Variants in LILRA2 observed in about 807,000 individuals in gnomAD.
LILRA2 encodes leukocyte immunoglobulin-like receptor subfamily A member 2.
Under a neutral mutation model 47.9 loss-of-function variants are expected in LILRA2, and 45 were observed. That is an observed-to-expected ratio of 0.94 (90% CI 0.74 to 1.20). The LOEUF (loss-of-function observed/expected upper bound fraction) is 1.20. Among genes scored for constraint, LILRA2 ranks in the 50% most tolerant of loss-of-function variants. LILRA2 has a pLI of 0.00. For missense variants in LILRA2, 651 were observed against 598.2 expected (o/e 1.09, Z -0.92); for synonymous variants, 279 against 249.2 (o/e 1.12, Z -1.13).
At chr19:54,577,184 TGA>T (rs1412256646) in intron 6 of LILRA2, among the ~76,000 whole-genome samples, 4 of 152,334 alleles carry the variant, frequency 2.6e-5, no homozygotes, top group African/African-American at 7.2e-5. Flanking sequence ...CCCCGCTGGT[TGA>T]GAGTCTCCCC....
Position 54,574,544 on chromosome 19 carries a change from C to A in LILRA2, c.314C>A (p.Ser105Ter), listed in dbSNP as rs1343479978. 1.2e-6 allele frequency: 2 copies of A among 1,604,172 alleles called. No homozygotes were observed. Among genetic ancestry groups the A allele is most frequent in the South Asian group, 2.2e-5 (2 of 90,846 alleles). The change falls in exon 3 of 8, where the codon TCA becomes TAA. Residue 105 changes from serine (S) to a stop codon, truncating the protein, a stop_gained. Transcript: ENST00000391738. LOFTEE classifies it high-confidence loss of function. Reference protein sequence around the residue: ...YHCQYYSHNHSSEYSDPLELV... With the variant: ...YHCQYYSHNH ...TGTCAGTACTACAGCCACAATCACT[C>A]ATCAGAGTACAGTGACCCCCTGGAG...
chr19:54,579,261 A>C (rs752917305), intron 6 of LILRA2, among the ~76,000 whole-genome samples: 2 of 152,144 alleles, frequency 1.3e-5, no homozygotes, highest in Non-Finnish European at 2.9e-5. Context: ...TTAAGTCTTT[A>C]ATCCATCTTG....
intron 5 of LILRA2, 48 bp downstream of exon 5, chr19:54,575,600 C>G: frequency 6.2e-7 from 1 of 1,600,858 alleles, no homozygotes; most frequent in African/African-American, 1.3e-5. Flanking sequence ...CTGCACAGGC[C>G]CTGCCAGGGG....
Position 54,575,858 on chromosome 19 carries a change from C to T in LILRA2, c.1004C>T (p.Ala335Val), listed in dbSNP as rs537955715. The T allele has an allele frequency of 1.9e-6, 3 of 1,612,816 alleles. No individual in the cohort carries two copies. The highest frequency in any genetic ancestry group is 4.5e-5 in the East Asian group (2 of 44,796). The stretch of plus-strand genomic sequence containing the variant: ...TCGGTGCAGCCGGTCCCCACAGTAG[C>T]CCCAGGAAAGAACGTGACCCTGCTG... ...SLSVQPVPTV[A>V]PGKNVTLLCQ... Residue 335 changes from alanine to valine, a missense_variant, in exon 6 of 8, where the codon GCC becomes GTC. Coordinates refer to ENST00000391738, the MANE Select transcript of LILRA2 (RefSeq NM_001130917.3).
upstream of LILRA2, chr19:54,573,386 A>C (rs1440166261): frequency 1.2e-6 from 1 of 848,874 alleles, no homozygotes. Flanking sequence ...TGCAGCATGG[A>C]CCTGGGTTTT....
chr19:54,585,576 C>A (rs929853404), intron 6 of LILRA2, among the ~76,000 whole-genome samples: 1 of 152,188 alleles, frequency 6.6e-6, no homozygotes, highest in Non-Finnish European at 1.5e-5. Flanking sequence ...AGCAAGGCTC[C>A]GTGGGTGTGA....
chr19:54,578,979 A>G (rs2062561358), intron 6 of LILRA2, among the ~76,000 whole-genome samples: 1 of 151,264 alleles, frequency 6.6e-6, no homozygotes, highest in South Asian at 2.1e-4. Flanking sequence ...TTTTTTGTAA[A>G]TGTGTTTAAG....
intron 6 of LILRA2, among the ~76,000 whole-genome samples, chr19:54,585,888 G>A (rs973760163): frequency 2.6e-5 from 4 of 152,128 alleles, no homozygotes; most frequent in African/African-American, 7.2e-5. Flanking sequence ...ATTCCTATTC[G>A]ACCATCTTGG....
intron 6 of LILRA2, among the ~76,000 whole-genome samples, chr19:54,583,624 G>A (rs999492935): frequency 6.6e-6 from 1 of 151,412 alleles, no homozygotes; most frequent in Non-Finnish European, 1.5e-5. Flanking sequence ...CATTTGCTTG[G>A]TAGATCTTCC....
chr19:54,585,528 G>T (rs1188082618), intron 6 of LILRA2, among the ~76,000 whole-genome samples: 2 of 152,210 alleles, frequency 1.3e-5, no homozygotes, highest in African/African-American at 4.8e-5. Flanking sequence ...TCCAGCTGCA[G>T]CATCGCAGGT....
intron 2 of LILRA2, 24 bp downstream of exon 2, chr19:54,574,135 A>C (rs1568501575): frequency 6.2e-7 from 1 of 1,614,158 alleles, no homozygotes; most frequent in Non-Finnish European, 8.5e-7. Context: ...CAGCTGTCCC[A>C]GGTCCCTCCT....
At chr19:54,573,411 C>T (rs1438234762), upstream of LILRA2, 13 of 967,950 alleles carry the variant, frequency 1.3e-5, no homozygotes, top group Admixed American at 1.7e-5. Context: ...GAAGCATCTC[C>T]AGGGCTGGAG....
rs148166692 is a variant in LILRA2 at position 54,582,570 on chromosome 19, T to C, written c.1256-4440T>C. On this transcript the variant is annotated intron_variant, in intron 6 of 7. Coordinates refer to ENST00000391738, the MANE Select transcript of LILRA2 (RefSeq NM_001130917.3). ...TTTCTAGTTTATTTGTGTAGAGGTG[T>C]TTACAGTATTCTCTGATGGTAGTTT... Among the ~76,000 whole-genome samples, 281 of 152,330 alleles carry C rather than the reference T, an allele frequency of 1.8e-3. 4 individuals are homozygous for C. The South Asian group carries it at 0.035, about 19-fold the overall frequency.
chr19:54,574,090 C>T lies in LILRA2; in HGVS notation c.49C>T (p.Pro17Ser). The change falls in exon 2 of 8, where the codon CCC becomes TCC. Residue 17 changes from proline to serine, a missense_variant. Physicochemically the swap from Pro to Ser is moderately conservative, Grantham distance 74 (BLOSUM62 -1). Coordinates refer to ENST00000391738, the MANE Select transcript of LILRA2 (RefSeq NM_001130917.3). ...CTCTCTTCCAGGGCTGAGTCTGGGC[C>T]CCAGGACCCACGTGCAGGCAGGTGA... ...VLICLGLSLG[P>S]RTHVQAGHLP... The T allele has an allele frequency of 7.4e-6, 12 of 1,614,186 alleles. No homozygotes were observed. The highest frequency in any genetic ancestry group is 7.6e-6 in the Non-Finnish European group (9 of 1,180,006).
chr19:54,574,246 C>T, intron 2 of LILRA2, 55 bp from the exon 3 acceptor site: 2 of 1,613,844 alleles, frequency 1.2e-6, no homozygotes, highest in African/African-American at 2.7e-5. Context: ...CAGCTGAGAG[C>T]TGAGATCTGT....
intron 6 of LILRA2, among the ~76,000 whole-genome samples, chr19:54,582,684 T>A (rs899338429): frequency 6.6e-6 from 1 of 152,188 alleles, no homozygotes; most frequent in Non-Finnish European, 1.5e-5. Flanking sequence ...TTATTAGTCT[T>A]CCTAGCGGTC....
Position 54,587,757 on chromosome 19 carries a change from C to T in LILRA2, c.*411C>T, listed in dbSNP as rs2062856921. On this transcript the variant is annotated 3_prime_UTR_variant, in exon 8 of 8. Coordinates refer to ENST00000391738, the MANE Select transcript of LILRA2 (RefSeq NM_001130917.3). ...GTCCCCGTCTCTTCAGTTCAGAGAT[C>T]CAAACCTGAACCACCAACTAAATCA... 5.4e-6 allele frequency: 1 copy of T among 183,588 alleles called. No individual in the cohort carries two copies. The highest frequency in any genetic ancestry group is 1.1e-5 in the Non-Finnish European group (1 of 87,126). The allele number at this position is 183,588 out of a possible 1,614,324, so 11.4% of individuals were successfully genotyped here.
In LILRA2 at chr19:54,574,505, C is replaced by T. The variant is rs2062298226; in HGVS notation, c.275C>T (p.Ala92Val). ...FPIPSITWEH[A>V]GRYHCQYYSH... ...ATCCCATCCATCACCTGGGAACACG[C>T]AGGGCGGTATCACTGTCAGTACTAC... Residue 92 changes from alanine (A) to valine (V), a missense_variant, in exon 3 of 8, where the codon GCA becomes GTA. Transcript: ENST00000391738. 4 of 1,614,004 alleles carry T rather than the reference C, an allele frequency of 2.5e-6. No individual in the cohort carries two copies. The highest frequency in any genetic ancestry group is 1.7e-5 in the Admixed American group (1 of 60,032).
At position 54,575,008 on chromosome 19, in the gene LILRA2, T is replaced by G. The variant is rs764988192; in HGVS notation, c.630T>G (p.Ser210Arg). The G allele has an allele frequency of 1.2e-6, 2 of 1,614,104 alleles. No homozygotes were observed. The highest frequency in any genetic ancestry group is 1.7e-6 in the Non-Finnish European group (2 of 1,179,908). ...SNSPYVWSLPSDLLELLVPGV... is the reference protein window; with the variant it reads ...SNSPYVWSLPRDLLELLVPGV... ...CTCCCTATGTGTGGTCTCTACCCAG[T>G]GATCTCCTGGAGCTCCTGGTCCCAG... is the stretch of plus-strand genomic sequence containing the variant. Residue 210 changes from serine (S) to arginine (R), a missense_variant, in exon 4 of 8, where the codon AGT (serine) becomes AGG (arginine). Transcript: ENST00000391738.
Sources: allele counts gnomAD v4.1 joint callset (sites outside exome capture counted in the v4.1 genomes callset), GRCh38; gene constraint gnomAD v4.1.1; transcripts MANE v1.5; gene names NCBI Gene and HGNC (gene_info 2026-07-23, HGNC 2026-07-21).